Variants in NCKAP5 observed in about 807,000 individuals in gnomAD.
The protein encoded by NCKAP5 is nck-associated protein 5.
A neutral mutation model predicts 167.0 loss-of-function variants in NCKAP5; 92 were observed. The observed-to-expected ratio is 0.55, with a 90% CI of 0.47 to 0.66. The LOEUF (loss-of-function observed/expected upper bound fraction) is 0.66. Among genes scored for constraint, NCKAP5 ranks in the 30% least tolerant of loss-of-function variants. The probability of loss-of-function intolerance (pLI) is 0.00; values close to 1 mark genes in which losing one functional copy is unlikely to be tolerated. For synonymous variants in NCKAP5, 891 were observed against 877.4 expected, an observed-to-expected ratio of 1.02 and a Z score of -0.27; for missense variants, 2,378 against 2,315.0, an observed-to-expected ratio of 1.03 and a Z score of -0.56.
At chr2:133,452,731 G>A (rs1283685359) in intron 3 of NCKAP5, among the ~76,000 whole-genome samples, 1 of 152,126 alleles carries the variant, frequency 6.6e-6, no homozygotes, top group African/African-American at 2.4e-5. Flanking sequence ...GAGTTAGACT[G>A]TGAAACACAC....
chr2:133,268,649 A>AT (rs1415213272), intron 4 of NCKAP5, among the ~76,000 whole-genome samples: 2 of 151,788 alleles, frequency 1.3e-5, no homozygotes, highest in Admixed American at 6.6e-5. Flanking sequence ...CGCCCGGCTA[A>AT]TTTTTTGTAT....
chr2:132,753,806 G>A (rs939883964), intron 16 of NCKAP5, among the ~76,000 whole-genome samples: 1 of 152,238 alleles, frequency 6.6e-6, no homozygotes, highest in Admixed American at 6.5e-5. Flanking sequence ...TGGGTGGCAT[G>A]CAGGGCACTG....
chr2:133,493,113 T>C (rs1190384113), intron 3 of NCKAP5, among the ~76,000 whole-genome samples: 1 of 152,198 alleles, frequency 6.6e-6, no homozygotes, highest in African/African-American at 2.4e-5. Context: ...AGTGGCAGTG[T>C]AAAATTGGGT....
chr2:132,870,144 C>T (rs891018057), intron 9 of NCKAP5, among the ~76,000 whole-genome samples: 5 of 152,106 alleles, frequency 3.3e-5, no homozygotes, highest in African/African-American at 1.2e-4. Context: ...GTAACATGTT[C>T]CTGGTGTTTC....
intron 5 of NCKAP5, among the ~76,000 whole-genome samples, chr2:133,174,702 C>CTTTTT (rs71909848): frequency 2.1e-5 from 3 of 144,752 alleles, no homozygotes; most frequent in Admixed American, 1.4e-4. Flanking sequence ...CAAGTAACAT[C>CTTTTT]TTTTTTTTTT....
intron 11 of NCKAP5, among the ~76,000 whole-genome samples, chr2:132,845,099 G>C (rs923575412): frequency 6.6e-6 from 1 of 152,058 alleles, no homozygotes; most frequent in African/African-American, 2.4e-5. Flanking sequence ...AGCCATTTGT[G>C]TTTCCTCTCC....
At chr2:133,461,726 C>T (rs1349594641) in intron 3 of NCKAP5, among the ~76,000 whole-genome samples, 2 of 152,216 alleles carry the variant, frequency 1.3e-5, no homozygotes, top group African/African-American at 2.4e-5. Flanking sequence ...CACAGCCTCA[C>T]CTGATTGCAA....
chr2:133,445,379 G>A (rs1691129397), intron 3 of NCKAP5, among the ~76,000 whole-genome samples: 1 of 152,166 alleles, frequency 6.6e-6, no homozygotes, highest in African/African-American at 2.4e-5. Flanking sequence ...AGTTTCAAAA[G>A]ACTTCCCATA....
At chr2:132,907,721 G>A (rs1000045734) in intron 8 of NCKAP5, among the ~76,000 whole-genome samples, 4 of 151,854 alleles carry the variant, frequency 2.6e-5, no homozygotes, top group Admixed American at 1.3e-4. Flanking sequence ...TCAGTGGCAC[G>A]ATCTTGGCTC....
At chr2:133,213,602 A>G in intron 5 of NCKAP5, 114 bp downstream of exon 5, 1 of 994,726 alleles carries the variant, frequency 1.0e-6, no homozygotes, top group South Asian at 1.4e-5. Flanking sequence ...CCAAAATATC[A>G]TTAAGTTTGC....
At chr2:133,173,616 C>A (rs2084337477) in intron 5 of NCKAP5, among the ~76,000 whole-genome samples, 1 of 152,150 alleles carries the variant, frequency 6.6e-6, no homozygotes, top group South Asian at 2.1e-4. Flanking sequence ...AACCCTGGCT[C>A]CTTTGCTATA....
At chr2:133,161,326 C>A (rs1559209201) in intron 5 of NCKAP5, among the ~76,000 whole-genome samples, 1 of 152,022 alleles carries the variant, frequency 6.6e-6, no homozygotes, top group East Asian at 1.9e-4. Flanking sequence ...CATGCTGCAC[C>A]CAAAATCAGT....
At chr2:133,081,820 T>C (rs746415080) in intron 6 of NCKAP5, among the ~76,000 whole-genome samples, 2 of 152,104 alleles carry the variant, frequency 1.3e-5, no homozygotes, top group Non-Finnish European at 2.9e-5. Context: ...GTAGTAACAA[T>C]GACATCTGCC....
At chr2:133,141,797 C>T (rs1232648180) in intron 5 of NCKAP5, among the ~76,000 whole-genome samples, 2 of 152,144 alleles carry the variant, frequency 1.3e-5, no homozygotes, top group African/African-American at 2.4e-5. Context: ...TAGCCAGCTT[C>T]CATTATTTCA....
At chr2:133,369,519 A>C (rs1187412996) in intron 3 of NCKAP5, among the ~76,000 whole-genome samples, 1 of 152,210 alleles carries the variant, frequency 6.6e-6, no homozygotes, top group Non-Finnish European at 1.5e-5. Flanking sequence ...TGTAGGTTTG[A>C]GCACTAAGGC....
At chr2:133,431,092 T>G (rs991963864) in intron 3 of NCKAP5, among the ~76,000 whole-genome samples, 2 of 152,158 alleles carry the variant, frequency 1.3e-5, no homozygotes, top group Non-Finnish European at 2.9e-5. Context: ...TCATTTCATT[T>G]CTAGGGTCAT....
chr2:133,167,596 G>A (rs544746302), intron 5 of NCKAP5, among the ~76,000 whole-genome samples: 2 of 152,106 alleles, frequency 1.3e-5, no homozygotes, highest in South Asian at 2.1e-4. Flanking sequence ...GTGAGGCAAC[G>A]AACCCTGGTC....
intron 15 of NCKAP5, 80 bp from the exon 16 acceptor site, chr2:132,773,974 A>G: frequency 8.5e-7 from 1 of 1,175,468 alleles, no homozygotes; most frequent in Non-Finnish European, 1.2e-6. Flanking sequence ...GTAATGGTAC[A>G]TTCTATAACA....
chr2:133,387,874 G>T lies in NCKAP5; in HGVS notation c.70-84764C>A, dbSNP rs552869345. Among the ~76,000 whole-genome samples the T allele has an allele frequency of 5.9e-5, 9 of 152,252 alleles. No individual in the cohort carries two copies. In the East Asian group the frequency reaches 1.5e-3, roughly 26 times the overall value. On this transcript the variant is annotated intron_variant, in intron 3 of 19. Transcript: ENST00000409261. ...TGTGCATTCATCACATAGTTCTTGT[G>T]CCATGGTTTTCAGCTCCATCAGCTC...
Sources: gnomAD v4.1 joint callset for allele counts (sites outside exome capture counted in the v4.1 genomes callset) on GRCh38, gnomAD v4.1.1 for gene constraint, MANE v1.5 for transcripts, NCBI Gene and HGNC (gene_info 2026-07-23, HGNC 2026-07-21) for gene names.